PMM2: variants seen among roughly 807,000 people sequenced by gnomAD.
PMM2 encodes mannose-6-phosphate isomerase.
A neutral mutation model predicts 33.2 loss-of-function variants in PMM2; 35 were observed. The observed-to-expected ratio is 1.06, with a 90% confidence interval of 0.81 to 1.40. PMM2 has a LOEUF of 1.40. Among genes scored for constraint, PMM2 ranks in the 40% most tolerant of loss-of-function variants. The pLI is 0.00. For missense variants in PMM2, 386 were observed against 306.0 expected, an observed-to-expected ratio of 1.26 and a Z score of -1.95; for synonymous variants, 153 against 114.7, an observed-to-expected ratio of 1.33 and a Z score of -2.13.
At chr16:8,833,707 G>A (rs1325115337) in intron 7 of PMM2, among the ~76,000 whole-genome samples, 2 of 151,468 alleles carry the variant, frequency 1.3e-5, no homozygotes, top group East Asian at 1.9e-4. Context: ...AATGATTGGT[G>A]ATGGCCTGGA....
At chr16:8,802,832 G>GA (rs35990619) in intron 2 of PMM2, among the ~76,000 whole-genome samples, 107,909 of 147,730 alleles carry the variant, frequency 0.73, 39,723 homozygotes, top group Non-Finnish European at 0.79. Context: ...CTCCGTCTTG[G>GA]AAAAAAAAAA....
chr16:8,832,322 G>A, intron 7 of PMM2: 1 of 985,422 alleles, frequency 1.0e-6, no homozygotes, highest in Non-Finnish European at 1.2e-6. Flanking sequence ...AAGCAACCCA[G>A]AGAGGCTCCT....
chr16:8,814,939 A>C (rs2060698285), intron 7 of PMM2, among the ~76,000 whole-genome samples: 1 of 152,162 alleles, frequency 6.6e-6, no homozygotes, highest in Non-Finnish European at 1.5e-5. Flanking sequence ...GAACTTACAC[A>C]TCTTACATAA....
intron 7 of PMM2, among the ~76,000 whole-genome samples, chr16:8,847,335 C>G (rs1314771075): frequency 6.7e-6 from 1 of 149,944 alleles, no homozygotes; most frequent in Non-Finnish European, 1.5e-5. Context: ...CTCTGCCCTC[C>G]TGACGCTCCC....
Position 8,840,324 on chromosome 16 carries a change from G to T in PMM2, c.640-7400G>T, listed in dbSNP as rs572928735. ...AAGATCATCTATCCACTCTAAGAGG[G>T]AGTTAAGAGTGGCAGTTTGGGGATA... On this transcript the variant is annotated intron_variant, in intron 7 of 7. Transcript: ENST00000268261. 3.8e-4 allele frequency among the ~76,000 whole-genome samples: 58 copies of T among 152,134 alleles called. 1 individual carries two copies. In the East Asian group the frequency reaches 0.01, roughly 27 times the overall value.
At chr16:8,821,951 C>G (rs1055490942) in intron 7 of PMM2, among the ~76,000 whole-genome samples, 1 of 152,236 alleles carries the variant, frequency 6.6e-6, no homozygotes, top group Non-Finnish European at 1.5e-5. Flanking sequence ...GGCCCTGTAA[C>G]TGCCCAACAG....
At chr16:8,818,860 G>T (rs1009200975) in intron 7 of PMM2, among the ~76,000 whole-genome samples, 1 of 149,576 alleles carries the variant, frequency 6.7e-6, no homozygotes, top group Non-Finnish European at 1.5e-5. Flanking sequence ...GGAGTACCTT[G>T]GTTTGTTGCA....
At chr16:8,832,198 CAAAG>C (rs748163116) in intron 7 of PMM2, 19 of 985,238 alleles carry the variant, frequency 1.9e-5, no homozygotes, top group Non-Finnish European at 2.3e-5. Flanking sequence ...CTGAGAGTCA[CAAAG>C]AAAGAAGCAG....
intron 7 of PMM2, among the ~76,000 whole-genome samples, chr16:8,824,228 T>C (rs974651928): frequency 6.6e-6 from 1 of 152,216 alleles, no homozygotes; most frequent in African/African-American, 2.4e-5. Context: ...ATGAGGATCC[T>C]AGAAGTTTTT....
At chr16:8,800,114 T>C (rs555664875) in intron 1 of PMM2, among the ~76,000 whole-genome samples, 1 of 152,148 alleles carries the variant, frequency 6.6e-6, no homozygotes, top group Admixed American at 6.5e-5. Context: ...ATCCCAGCAC[T>C]TGGGGAGGCT....
chr16:8,841,158 T>C (rs1444768709), intron 7 of PMM2, among the ~76,000 whole-genome samples: 1 of 151,416 alleles, frequency 6.6e-6, no homozygotes, highest in Non-Finnish European at 1.5e-5. Flanking sequence ...CGTTCTACCT[T>C]TCCTGAAGAT....
rs190653806 is a variant in PMM2, at chr16:8,804,946, G to T, written c.255+103G>T. 4,185 of 752,718 alleles carry T rather than the reference G, an allele frequency of 5.6e-3. 30 individuals are homozygous for T. Among genetic ancestry groups the T allele is most frequent in the Non-Finnish European group, 8.6e-3 (3,628 of 422,284 alleles). 46.6% of individuals were successfully genotyped at this position (752,718 alleles called of 1,614,324 possible). The stretch of plus-strand genomic sequence containing the variant: ...AGGAAGATGAGGAACGGGTAGAAAT[G>T]AATCTTTACTCTGTATTTTTTGTTT... On this transcript the variant is annotated intron_variant, in intron 3 of 7. Transcript: ENST00000268261.
chr16:8,803,686 T>TTTTA (rs937450900), intron 2 of PMM2, among the ~76,000 whole-genome samples: 1 of 152,088 alleles, frequency 6.6e-6, no homozygotes, highest in African/African-American at 2.4e-5. Flanking sequence ...TTAAAATTTA[T>TTTTA]TTTATTTATT....
chr16:8,822,239 A>G (rs1015602893), intron 7 of PMM2, among the ~76,000 whole-genome samples: 6 of 152,192 alleles, frequency 3.9e-5, no homozygotes, highest in African/African-American at 1.4e-4. Context: ...GTGGGATCAA[A>G]GAGCTGGTTG....
At chr16:8,829,244 G>A (rs913221673) in intron 7 of PMM2, 2 of 152,254 alleles carry the variant, frequency 1.3e-5, no homozygotes, top group African/African-American at 4.8e-5. Context: ...CACGGCGAGA[G>A]GGGCCAGAAG....
chr16:8,837,910 T>A (rs922614508), intron 7 of PMM2, among the ~76,000 whole-genome samples: 8 of 152,066 alleles, frequency 5.3e-5, no homozygotes, highest in African/African-American at 1.7e-4. Context: ...AGATAAAATG[T>A]GTCTCCTTTG....
At position 8,821,309 on chromosome 16, in the gene PMM2, A is replaced by G. The variant is rs566045134; in HGVS notation, c.639+8203A>G. On this transcript the variant is annotated intron_variant, in intron 7 of 7. Transcript: ENST00000268261. ...CCCGCTCCTGTGTGGGAGGCCAGGA[A>G]GCAGGGTGTCATGCATGGGAGCCAC... 2.6e-5 allele frequency among the ~76,000 whole-genome samples: 4 copies of G among 152,260 alleles called. No individual in the cohort carries two copies. The East Asian group carries it at 7.7e-4, about 29-fold the overall frequency.
At chr16:8,801,679 A>AT (rs200325215) in intron 1 of PMM2, 120 bp from the exon 2 acceptor site, 63 of 637,690 alleles carry the variant, frequency 9.9e-5, no homozygotes, top group East Asian at 5.9e-4. Flanking sequence ...TCAAAAAAAA[A>AT]TTTTTTCTTT....
rs2060946517 is a variant in PMM2, at chr16:8,848,828, G to T, written c.*1003G>T. 6.6e-6 allele frequency: 1 copy of T among 152,250 alleles called. No individual in the cohort carries two copies. Among genetic ancestry groups the T allele is most frequent in the South Asian group, 2.1e-4 (1 of 4,836 alleles). The allele number at this position is 152,250 out of a possible 1,614,324, so 9.4% of individuals were successfully genotyped here. The stretch of plus-strand genomic sequence containing the variant: ...CCTTCACCCAGACTTTACCACGGAG[G>T]CGGCTGAGTGCAGCTACAGCTAGGT... On this transcript the variant is annotated 3_prime_UTR_variant, in exon 8 of 8. Transcript: ENST00000268261.
Sources: gnomAD v4.1 joint callset for allele counts (sites outside exome capture counted in the v4.1 genomes callset) on GRCh38, gnomAD v4.1.1 for gene constraint, MANE v1.5 for transcripts, NCBI Gene and HGNC (gene_info 2026-07-23, HGNC 2026-07-21) for gene names.